The following PPL variants were observed in gnomAD, a reference collection of about 807,000 sequenced individuals.
PPL encodes the protein 190 kDa paraneoplastic pemphigus antigen.
Under a neutral mutation model 194.4 loss-of-function variants are expected in PPL, and 198 were observed. The observed-to-expected ratio is 1.02, with a 90% confidence interval of 0.91 to 1.15. The LOEUF (loss-of-function observed/expected upper bound fraction) is 1.15. Among genes scored for constraint, PPL ranks in the 50% most tolerant of loss-of-function variants. The probability of loss-of-function intolerance (pLI) is 0.00; values close to 1 mark genes in which losing one functional copy is unlikely to be tolerated. For missense variants in PPL, 2,885 were observed against 2,294.8 expected, an observed-to-expected ratio of 1.26 and a Z score of -5.25; for synonymous variants, 1,220 against 972.4, an observed-to-expected ratio of 1.25 and a Z score of -4.74.
rs77027818 is a variant in PPL at position 4,905,291 on chromosome 16, T to C, written c.163-1251A>G. ...AGCAGGAACTACGGACCGTGCTCCA[T>C]CTGAACAAGCCTGGAAGACGTTATT... On this transcript the variant is annotated intron_variant, in intron 2 of 21. Coordinates refer to ENST00000345988, the MANE Select transcript of PPL (RefSeq NM_002705.5). Among the ~76,000 whole-genome samples the C allele has an allele frequency of 5.2e-3, 790 of 152,260 alleles. 6 individuals are homozygous for C. The highest frequency in any genetic ancestry group is 0.018 in the African/African-American group (750 of 41,550).
intron 1 of PPL, among the ~76,000 whole-genome samples, chr16:4,927,782 G>A (rs2939962): frequency 0.4 from 60,873 of 152,166 alleles, 15,026 homozygotes; most frequent in East Asian, 0.54. Context: ...AGGGAAGGCC[G>A]CCCTGCCTCC....
intron 1 of PPL, among the ~76,000 whole-genome samples, chr16:4,928,986 C>G (rs1167221119): frequency 1.5e-5 from 2 of 136,810 alleles, no homozygotes; most frequent in Non-Finnish European, 3.0e-5. Context: ...TCACTCCAGC[C>G]TGGGCAACAA....
chr16:4,891,611 C>T (rs1001271726), intron 16 of PPL, 200 bp downstream of exon 16: 25 of 602,774 alleles, frequency 4.1e-5, no homozygotes, highest in African/African-American at 7.6e-5. Context: ...TGCTGGCACC[C>T]GAAATCCCGT....
At chr16:4,910,324 T>C (rs1596568203) in intron 2 of PPL, among the ~76,000 whole-genome samples, 1 of 152,204 alleles carries the variant, frequency 6.6e-6, no homozygotes, top group East Asian at 1.9e-4. Flanking sequence ...CCCTGTCCTA[T>C]ACCTGCATAA....
intron 1 of PPL, among the ~76,000 whole-genome samples, chr16:4,923,407 G>A (rs547950748): frequency 9.2e-5 from 14 of 152,270 alleles, no homozygotes; most frequent in African/African-American, 3.1e-4. Flanking sequence ...TAAGAGTTGG[G>A]GAGATATGCT....
chr16:4,901,035 C>T lies in PPL; in HGVS notation c.493G>A (p.Val165Met), dbSNP rs200297897. ...TTGTGGAAGATGTTATGCTCCTCCA[C>T]TTGGTGGTCCACCAGCGGCAGGTCA... Reference protein sequence around the residue: ...GTDLPLVDHQVEEHNIFHNEV... With the variant: ...GTDLPLVDHQMEEHNIFHNEV... Residue 165 changes from valine to methionine, a missense_variant, in exon 5 of 22, where the codon GTG (valine) becomes ATG (methionine). Coordinates refer to ENST00000345988, the MANE Select transcript of PPL (RefSeq NM_002705.5). 3 of 1,614,100 alleles carry T rather than the reference C, an allele frequency of 1.9e-6. No individual in the cohort carries two copies. Among genetic ancestry groups the T allele is most frequent in the East Asian group, 2.2e-5 (1 of 44,882 alleles).
rs368324373 is a variant in PPL at position 4,914,679 on chromosome 16, T to C, written c.63-3730A>G. ...CAAGGCACTTAGGAAAACCCCATCC[T>C]TGATATGTTCATGAGCCAGCAAAGG... On this transcript the variant is annotated intron_variant, in intron 1 of 21. Coordinates refer to ENST00000345988, the MANE Select transcript of PPL (RefSeq NM_002705.5). 6.2e-4 allele frequency among the ~76,000 whole-genome samples: 94 copies of C among 152,310 alleles called. No individual in the cohort carries two copies. The South Asian group carries it at 0.017, about 28-fold the overall frequency.
chr16:4,890,737 A>G lies in PPL; in HGVS notation c.2153T>C (p.Val718Ala). The G allele has an allele frequency of 6.2e-7, 1 of 1,606,086 alleles. No individual in the cohort carries two copies. The highest frequency in any genetic ancestry group is 8.5e-7 in the Non-Finnish European group (1 of 1,176,988). Reference protein sequence around the residue: ...GQRFNNLRQQVERRAQSLQSA... With the variant: ...GQRFNNLRQQAERRAQSLQSA... ...CCCACCGCACCCTCACCTGCGTTCC[A>G]CCTGCTGGCGCAGGTTGTTGAAACG... The change falls in exon 17 of 22, where the codon GTG becomes GCG. Residue 718 changes from valine to alanine, a missense_variant. By Grantham distance (64) the Val-to-Ala change is moderately conservative. Transcript: ENST00000345988.
At chr16:4,935,618 G>A (rs1004464273) in intron 1 of PPL, among the ~76,000 whole-genome samples, 5 of 152,178 alleles carry the variant, frequency 3.3e-5, no homozygotes, top group Admixed American at 6.5e-5. Context: ...ATGCCTCTGA[G>A]CTTGAAAGAG....
intron 9 of PPL, among the ~76,000 whole-genome samples, chr16:4,896,468 G>C (rs2088430708): frequency 6.6e-6 from 1 of 152,122 alleles, no homozygotes; most frequent in South Asian, 2.1e-4. Flanking sequence ...CTCAGTGAGA[G>C]AAGCCAGACA....
intron 16 of PPL, 95 bp downstream of exon 16, chr16:4,891,716 G>A: frequency 6.9e-7 from 1 of 1,442,148 alleles, no homozygotes; most frequent in Non-Finnish European, 9.2e-7. Flanking sequence ...GAGACTGGAT[G>A]CTGGTGTCCT....
rs756663563 is a variant in PPL at position 4,890,700 on chromosome 16, A to G, written c.2162+28T>C. On this transcript the variant is annotated intron_variant, in intron 17 of 21. Coordinates refer to ENST00000345988, the MANE Select transcript of PPL (RefSeq NM_002705.5). Reference sequence around the variant, plus strand: ...ATTAGATCGCATTCTCAGAAAACAAAAATGGCCACCACCCACCGCACCCTC... The same window carrying G: ...ATTAGATCGCATTCTCAGAAAACAAGAATGGCCACCACCCACCGCACCCTC... 7 of 1,571,826 alleles carry G rather than the reference A, an allele frequency of 4.5e-6. No homozygotes were observed. In the South Asian group the frequency reaches 8.1e-5, roughly 18 times the overall value.
At chr16:4,929,886 C>A (rs564358773) in intron 1 of PPL, among the ~76,000 whole-genome samples, 1 of 151,352 alleles carries the variant, frequency 6.6e-6, no homozygotes, top group African/African-American at 2.4e-5. Context: ...TAGGGTCTCA[C>A]TATGTTGCCC....
intron 2 of PPL, among the ~76,000 whole-genome samples, chr16:4,908,162 C>CAAAAAAAA (rs55889324): frequency 2.7e-5 from 2 of 73,258 alleles, no homozygotes; most frequent in East Asian, 3.8e-4. Context: ...AGACTGTCTC[C>CAAAAAAAA]AAAAAAAAAA....
intron 1 of PPL, among the ~76,000 whole-genome samples, chr16:4,936,401 G>C (rs936368132): frequency 6.6e-6 from 1 of 152,096 alleles, no homozygotes; most frequent in Non-Finnish European, 1.5e-5. Flanking sequence ...GGCAGGTGCC[G>C]GGAAGTGCAG....
In PPL at chr16:4,890,177, A is replaced by G; in HGVS notation, c.2313+7T>C. The stretch of plus-strand genomic sequence containing the variant: ...TGTGCCTGGGGCTGCGGAAACGGCC[A>G]TCTCACCTTCTGGTTCTTCAGCTTG... On this transcript the variant is annotated splice_region_variant and intron_variant, in intron 18 of 21. Coordinates refer to ENST00000345988, the MANE Select transcript of PPL (RefSeq NM_002705.5). 6 of 1,614,056 alleles carry G rather than the reference A, an allele frequency of 3.7e-6. No homozygotes were observed. The highest frequency in any genetic ancestry group is 5.1e-6 in the Non-Finnish European group (6 of 1,180,002).
At position 4,883,496 on chromosome 16, in the gene PPL, G is replaced by T; in HGVS notation, c.5159C>A (p.Ser1720Tyr). 6.2e-7 allele frequency: 1 copy of T among 1,614,190 alleles called. No individual in the cohort carries two copies. Among genetic ancestry groups the T allele is most frequent in the Non-Finnish European group, 8.5e-7 (1 of 1,180,028 alleles). ...IHDRKSGKKF[S>Y]IEEALQSGRL... Reference sequence around the variant, plus strand: ...GCCACTCTGCAGGGCCTCTTCGATGGAGAACTTCTTGCCAGACTTCCTGTC... The same window carrying T: ...GCCACTCTGCAGGGCCTCTTCGATGTAGAACTTCTTGCCAGACTTCCTGTC... The change falls in exon 22 of 22, where the codon TCC (serine) becomes TAC (tyrosine). Residue 1720 changes from serine (S) to tyrosine (Y), a missense_variant. Ser to Tyr is a moderately radical substitution (Grantham distance 144). Transcript: ENST00000345988. The surrounding 1 kb of genome is among the most constrained non-coding windows in gnomAD (Gnocchi z 4.8).
chr16:4,890,907 C>G lies in PPL; in HGVS notation c.1983G>C (p.Glu661Asp). 6.5e-7 allele frequency: 1 copy of G among 1,528,560 alleles called. No homozygotes were observed. Among genetic ancestry groups the G allele is most frequent in the Non-Finnish European group, 8.8e-7 (1 of 1,131,042 alleles). 94.7% of individuals were successfully genotyped at this position (1,528,560 alleles called of 1,614,324 possible). ...CCAGGAGGGACTTCTGGGCCTGTAA[C>G]TCACAGGCCATGGCCTGGCGGGGCA... Reference protein sequence around the residue: ...KGQELAAMACELQAQKSLLGE... With the variant: ...KGQELAAMACDLQAQKSLLGE... Residue 661 changes from glutamate (E) to aspartate (D), a missense_variant, in exon 17 of 22, where the codon GAG (glutamate) becomes GAC (aspartate). By Grantham distance (45) the Glu-to-Asp change is conservative. Coordinates refer to ENST00000345988, the MANE Select transcript of PPL (RefSeq NM_002705.5).
chr16:4,894,198 G>T (rs1435531661), intron 12 of PPL, among the ~76,000 whole-genome samples: 1 of 152,210 alleles, frequency 6.6e-6, no homozygotes, highest in Non-Finnish European at 1.5e-5. Flanking sequence ...AGGGAGCAGT[G>T]CGTGCGGGAG....
Sources: gnomAD v4.1 joint callset for allele counts (sites outside exome capture counted in the v4.1 genomes callset) on GRCh38, gnomAD v4.1.1 for gene constraint, Gnocchi (gnomAD v3.1) non-coding constraint, MANE v1.5 for transcripts, NCBI Gene and HGNC (gene_info 2026-07-23, HGNC 2026-07-21) for gene names.